The following UBXN2B variants were observed in gnomAD, a reference collection of about 807,000 sequenced individuals.
The protein encoded by UBXN2B is UBX domain protein 2B.
UBXN2B carries 19 observed loss-of-function variants against 37.5 expected under a neutral mutation model. That is an observed-to-expected ratio of 0.51 (90% confidence interval 0.35 to 0.74). The LOEUF (loss-of-function observed/expected upper bound fraction) is 0.74. Among genes scored for constraint, UBXN2B ranks in the 30% least tolerant of loss-of-function variants. The probability of loss-of-function intolerance (pLI) is 0.01; values close to 1 mark genes in which losing one functional copy is unlikely to be tolerated. For synonymous variants in UBXN2B, 145 were observed against 143.8 expected, an observed-to-expected ratio of 1.01 and a Z score of -0.06; for missense variants, 370 against 393.2, an observed-to-expected ratio of 0.94 and a Z score of 0.50.
At chr8:58,421,152 A>C (rs1355640502) in intron 2 of UBXN2B, among the ~76,000 whole-genome samples, 1 of 152,170 alleles carries the variant, frequency 6.6e-6, no homozygotes, top group Non-Finnish European at 1.5e-5. Flanking sequence ...ACCTCTAAAA[A>C]CAATCTTGAC....
intron 2 of UBXN2B, 99 bp downstream of exon 2, chr8:58,417,052 C>T: frequency 5.3e-6 from 5 of 947,186 alleles, no homozygotes; most frequent in Non-Finnish European, 7.4e-6. Flanking sequence ...AAGGTTTCTT[C>T]AATAATTTTT....
intron 1 of UBXN2B, among the ~76,000 whole-genome samples, chr8:58,411,868 G>A (rs1436398695): frequency 6.6e-6 from 1 of 152,048 alleles, no homozygotes; most frequent in African/African-American, 2.4e-5. Flanking sequence ...GTTCTTTTTT[G>A]TCTTGGATGC....
intron 6 of UBXN2B, among the ~76,000 whole-genome samples, chr8:58,441,033 C>T (rs1808527644): frequency 1.3e-5 from 2 of 150,888 alleles, no homozygotes. Context: ...TGCTCTGTTG[C>T]CCAGACTGGA....
rs1360534332 is a variant in UBXN2B, at chr8:58,447,526, C to T, written c.971C>T (p.Thr324Ile). The T allele has an allele frequency of 8.7e-6, 14 of 1,611,224 alleles. No homozygotes were observed. The highest frequency in any genetic ancestry group is 1.2e-5 in the Non-Finnish European group (14 of 1,178,412). The change falls in exon 8 of 8, where the codon ACT becomes ATT. Residue 324 changes from threonine (T) to isoleucine (I), a missense_variant. By Grantham distance (89) the Thr-to-Ile change is moderately conservative. This residue lies in a region of UBXN2B where 83 missense variants were observed against 83.5 expected (regional missense o/e 0.99). Transcript: ENST00000399598. ...CTGCTAGAAGCAGATATTCTTAACA[C>T]TGTGTTACTCCAGCAACTAAAATAA... Reference protein sequence around the residue: ...LTLLEADILNTVLLQQLK With the variant: ...LTLLEADILNIVLLQQLK
intron 3 of UBXN2B, among the ~76,000 whole-genome samples, chr8:58,432,653 A>G (rs1808314284): frequency 6.6e-6 from 1 of 152,122 alleles, no homozygotes; most frequent in African/African-American, 2.4e-5. Flanking sequence ...AAGTGCTGGG[A>G]TTACGAGCAT....
intron 7 of UBXN2B, among the ~76,000 whole-genome samples, chr8:58,447,169 A>G (rs888042860): frequency 3.9e-5 from 6 of 152,118 alleles, no homozygotes; most frequent in African/African-American, 1.4e-4. Flanking sequence ...GATTGTTTCC[A>G]TTTTACAGGA....
At chr8:58,447,347 T>G (rs1808705147) in intron 7 of UBXN2B, 42 bp from the exon 8 acceptor site, 2 of 1,490,660 alleles carry the variant, frequency 1.3e-6, no homozygotes, top group Admixed American at 2.1e-5. Flanking sequence ...CATGAAAATA[T>G]GATTTTTTAT....
chr8:58,426,734 T>G, intron 2 of UBXN2B: 1 of 658,960 alleles, frequency 1.5e-6, no homozygotes, highest in Non-Finnish European at 2.9e-6. Flanking sequence ...TTGCTCAGGC[T>G]CCACTGGGCT....
intron 2 of UBXN2B, among the ~76,000 whole-genome samples, chr8:58,429,534 G>T (rs932168020): frequency 1.1e-4 from 17 of 152,164 alleles, no homozygotes; most frequent in Admixed American, 7.9e-4. Context: ...GGTTCTCCTG[G>T]TGTCTCCTTG....
intron 2 of UBXN2B, chr8:58,424,701 C>A: frequency 2.3e-6 from 3 of 1,309,060 alleles, no homozygotes; most frequent in Non-Finnish European, 3.3e-6. Flanking sequence ...GGGGGGGGCT[C>A]TGATCTCCAC....
Position 58,423,438 on chromosome 8 carries a change from G to GT in UBXN2B, c.188+6487dup, listed in dbSNP as rs200283440. Reference sequence around the variant, plus strand: ...GTTGGGGGTGGGTTTTTTTTTTGTTGTTGTTTTTTTTTTTTGACACGGAGT... The same window carrying GT: ...GTTGGGGGTGGGTTTTTTTTTTGTTGTTTGTTTTTTTTTTTTGACACGGAGT... On this transcript the variant is annotated intron_variant, in intron 2 of 7. Coordinates refer to ENST00000399598, the MANE Select transcript of UBXN2B (RefSeq NM_001077619.2). Among the ~76,000 whole-genome samples, 154 of 147,902 alleles carry GT rather than the reference G, an allele frequency of 1.0e-3. 3 individuals carry two copies. The highest frequency in any genetic ancestry group is 4.4e-3 in the East Asian group (22 of 4,990).
At chr8:58,417,628 T>C (rs1807818560) in intron 2 of UBXN2B, among the ~76,000 whole-genome samples, 1 of 152,234 alleles carries the variant, frequency 6.6e-6, no homozygotes, top group South Asian at 2.1e-4. Context: ...AACATCTTTT[T>C]AGTACTGTAA....
chr8:58,447,635 C>T lies in UBXN2B; in HGVS notation c.*84C>T. On this transcript the variant is annotated 3_prime_UTR_variant, in exon 8 of 8. Transcript: ENST00000399598. ...ACAATACTTCAGCATTAAAAACAGC[C>T]AAATTATTTTTATTATTTTTACAGA... The T allele has an allele frequency of 7.9e-7, 1 of 1,258,644 alleles. No homozygotes were observed. The allele number at this position is 1,258,644 out of a possible 1,614,324, so 78.0% of individuals were successfully genotyped here.
At chr8:58,437,255 C>CTAA (rs1163980806) in intron 5 of UBXN2B, among the ~76,000 whole-genome samples, 23 of 151,336 alleles carry the variant, frequency 1.5e-4, no homozygotes, top group Admixed American at 1.5e-3. Context: ...TGTCCATACC[C>CTAA]TAAGGCTTTG....
intron 2 of UBXN2B, chr8:58,425,110 C>T: frequency 1.2e-6 from 1 of 802,658 alleles, no homozygotes; most frequent in Non-Finnish European, 2.3e-6. Flanking sequence ...CGGCCAGGTC[C>T]AAAAGTGGTA....
In UBXN2B at chr8:58,416,942, A is replaced by G; in HGVS notation, c.177A>G (p.Thr59=). ...PKATVFKSPR[T]PPQRFYSSEH... ...CCACAGTCTTCAAGAGCCCACGGAC[A>G]CCACCTCAACGGTAAGTTTTATTTT... is the stretch of plus-strand genomic sequence containing the variant. Residue 59 remains threonine, a synonymous_variant, in exon 2 of 8, where the codon ACA becomes ACG. Transcript: ENST00000399598. The G allele has an allele frequency of 6.2e-7, 1 of 1,600,662 alleles. No homozygotes were observed. Among genetic ancestry groups the G allele is most frequent in the Non-Finnish European group, 8.5e-7 (1 of 1,172,176 alleles).
chr8:58,426,609 T>G (rs1808099178), intron 2 of UBXN2B: 2 of 749,260 alleles, frequency 2.7e-6, no homozygotes, highest in African/African-American at 3.4e-5. Context: ...AAAACTGCTG[T>G]CAGCTCCTCT....
At chr8:58,440,499 A>G (rs934114906) in intron 6 of UBXN2B, among the ~76,000 whole-genome samples, 6 of 152,236 alleles carry the variant, frequency 3.9e-5, no homozygotes, top group Non-Finnish European at 7.3e-5. Context: ...GAAGAGCACA[A>G]TTTAAAAACC....
At chr8:58,432,824 T>C (rs1808317833) in intron 3 of UBXN2B, among the ~76,000 whole-genome samples, 1 of 152,194 alleles carries the variant, frequency 6.6e-6, no homozygotes, top group African/African-American at 2.4e-5. Flanking sequence ...GGGGAGGTTA[T>C]CTAAACTACC....
Sources: gnomAD v4.1 joint callset for allele counts (sites outside exome capture counted in the v4.1 genomes callset) on GRCh38, gnomAD v4.1.1 for gene constraint, gnomAD v4.1.1 regional missense constraint, MANE v1.5 for transcripts, NCBI Gene and HGNC (gene_info 2026-07-23, HGNC 2026-07-21) for gene names.